RANBP2: variants seen among roughly 807,000 people sequenced by gnomAD.
The protein encoded by RANBP2 is E3 SUMO-protein ligase RanBP2.
Under a neutral mutation model 303.6 loss-of-function variants are expected in RANBP2, and 57 were observed. The ratio of observed to expected loss-of-function variants is 0.19; its 90% CI spans 0.15 to 0.23. RANBP2 has a LOEUF of 0.23. Ranked by LOEUF, RANBP2 falls within the 10% of genes least tolerant of loss-of-function variation. RANBP2 has a pLI of 1.00. For missense variants in RANBP2, 3,138 were observed against 3,780.8 expected (o/e 0.83, Z 4.46); for synonymous variants, 1,167 against 1,301.5 (o/e 0.90, Z 2.23).
At chr2:109,672,498 G>T in the RANBP2 span, among the ~76,000 whole-genome samples, 2 of 152,186 alleles carry the variant, frequency 1.3e-5, no homozygotes, top group Admixed American at 1.3e-4. Context: ...TAAGGCCAAG[G>T]TTAATAACCA....
At chr2:109,637,806 C>T in the RANBP2 span, among the ~76,000 whole-genome samples, 1 of 152,168 alleles carries the variant, frequency 6.6e-6, no homozygotes, top group East Asian at 1.9e-4. Flanking sequence ...TCTTCCCTTT[C>T]TAGATAGACA....
the RANBP2 span, among the ~76,000 whole-genome samples, chr2:109,016,422 T>A: frequency 1.3e-5 from 2 of 152,152 alleles, no homozygotes; most frequent in African/African-American, 4.8e-5. Flanking sequence ...CTTCCCCCTT[T>A]CCTTCCCATG....
At chr2:109,042,341 C>A in the RANBP2 span, among the ~76,000 whole-genome samples, 4 of 152,042 alleles carry the variant, frequency 2.6e-5, no homozygotes, top group African/African-American at 4.8e-5. Context: ...TTTTTTCCTG[C>A]AGTTTTATTA....
the RANBP2 span, among the ~76,000 whole-genome samples, chr2:108,808,380 G>A: frequency 6.6e-6 from 1 of 152,164 alleles, no homozygotes; most frequent in South Asian, 2.1e-4. Flanking sequence ...ATACCCAGAA[G>A]TGGTATTGCA....
downstream of RANBP2, among the ~76,000 whole-genome samples, chr2:108,786,012 T>C (rs183648648): frequency 1.4e-3 from 211 of 152,072 alleles, no homozygotes; most frequent in African/African-American, 3.2e-3. Flanking sequence ...ATGAGAAAAA[T>C]GAAGTGGTTG....
chr2:109,400,504 T>C, the RANBP2 span, among the ~76,000 whole-genome samples: 3 of 151,122 alleles, frequency 2.0e-5, no homozygotes, highest in African/African-American at 7.3e-5. Context: ...CATTTACACA[T>C]ACACCCCTCC....
chr2:108,930,309 C>T, the RANBP2 span: 1 of 1,609,562 alleles, frequency 6.2e-7, no homozygotes, highest in Non-Finnish European at 8.5e-7. Flanking sequence ...CCTGCAAGAC[C>T]CCAAGGTTGA....
the RANBP2 span, among the ~76,000 whole-genome samples, chr2:109,465,461 T>A: frequency 6.6e-6 from 1 of 152,218 alleles, no homozygotes; most frequent in African/African-American, 2.4e-5. Flanking sequence ...GAATGAGAGT[T>A]CTCATTGCTT....
the RANBP2 span, among the ~76,000 whole-genome samples, chr2:109,508,175 C>T: frequency 1.3e-5 from 2 of 152,276 alleles, no homozygotes; most frequent in Non-Finnish European, 2.9e-5. Context: ...TGCTCCTTCT[C>T]CATGGGCCCA....
the RANBP2 span, among the ~76,000 whole-genome samples, chr2:109,098,601 A>G: frequency 6.6e-6 from 1 of 152,232 alleles, no homozygotes; most frequent in African/African-American, 2.4e-5. Flanking sequence ...TTGTCTGTTT[A>G]TAAAACCAAA....
chr2:109,134,839 AC>A, the RANBP2 span, among the ~76,000 whole-genome samples: 12 of 152,138 alleles, frequency 7.9e-5, no homozygotes, highest in African/African-American at 2.9e-4. Flanking sequence ...TGTCTTGTAA[AC>A]CCACAGAGTG....
At chr2:109,102,924 A>C in the RANBP2 span, among the ~76,000 whole-genome samples, 1 of 152,178 alleles carries the variant, frequency 6.6e-6, no homozygotes, top group African/African-American at 2.4e-5. Flanking sequence ...GGTGCTGCAA[A>C]TGGGTGAGAG....
the RANBP2 span, among the ~76,000 whole-genome samples, chr2:108,800,271 T>G: frequency 6.6e-6 from 1 of 152,148 alleles, no homozygotes; most frequent in South Asian, 2.1e-4. Context: ...TTTTTGTTGT[T>G]GTTGTTTTGT....
chr2:108,941,221 T>C, the RANBP2 span, among the ~76,000 whole-genome samples: 751 of 152,366 alleles, frequency 4.9e-3, 4 homozygotes, highest in Non-Finnish European at 7.6e-3. Flanking sequence ...CCACAATGTT[T>C]CTCCATTTGC....
the RANBP2 span, among the ~76,000 whole-genome samples, chr2:109,707,061 A>G: frequency 6.6e-6 from 1 of 152,146 alleles, no homozygotes; most frequent in African/African-American, 2.4e-5. Flanking sequence ...ATTACATCTT[A>G]CTCTATTTTA....
chr2:109,457,131 C>T, the RANBP2 span, among the ~76,000 whole-genome samples: 1 of 152,178 alleles, frequency 6.6e-6, no homozygotes, highest in Non-Finnish European at 1.5e-5. Context: ...GCACCTACCA[C>T]CCTGAGTTGT....
At chr2:109,490,560 G>A in the RANBP2 span, 13,664 of 1,362,718 alleles carry the variant, frequency 0.01, 88 homozygotes, top group Non-Finnish European at 0.012. Flanking sequence ...CAAGGGCATT[G>A]GGAAGCATTC....
the RANBP2 span, among the ~76,000 whole-genome samples, chr2:109,466,412 A>G: frequency 3.6e-4 from 55 of 152,064 alleles, no homozygotes; most frequent in East Asian, 0.01. Flanking sequence ...GTCTGTTTAG[A>G]TCTTTGCTGA....
chr2:109,382,378 A>G, the RANBP2 span, among the ~76,000 whole-genome samples: 1 of 151,970 alleles, frequency 6.6e-6, no homozygotes, highest in East Asian at 1.9e-4. Flanking sequence ...CCTGGGGCTG[A>G]GGCTGCCTGC....
Sources: gnomAD v4.1 joint callset for allele counts (sites outside exome capture counted in the v4.1 genomes callset) on GRCh38, gnomAD v4.1.1 for gene constraint, MANE v1.5 for transcripts, NCBI Gene and HGNC (gene_info 2026-07-23, HGNC 2026-07-21) for gene names.